EEF1AKMT1: variants seen among roughly 807,000 people sequenced by gnomAD.
EEF1AKMT1 encodes N-6 adenine-specific DNA methyltransferase 2 (putative).
Under a neutral mutation model 21.0 loss-of-function variants are expected in EEF1AKMT1, and 18 were observed. The observed-to-expected ratio is 0.86, with a 90% CI of 0.59 to 1.27. The LOEUF (loss-of-function observed/expected upper bound fraction) is 1.27. Among genes scored for constraint, EEF1AKMT1 ranks in the 50% most tolerant of loss-of-function variants. The probability of loss-of-function intolerance (pLI) is 0.00; values close to 1 mark genes in which losing one functional copy is unlikely to be tolerated. For missense variants in EEF1AKMT1, 246 were observed against 258.6 expected, an observed-to-expected ratio of 0.95 and a Z score of 0.33; for synonymous variants, 109 against 94.8, an observed-to-expected ratio of 1.15 and a Z score of -0.87.
intron 2 of EEF1AKMT1, among the ~76,000 whole-genome samples, chr13:20,755,748 G>T (rs1283548987): frequency 6.6e-6 from 1 of 152,190 alleles, no homozygotes; most frequent in Non-Finnish European, 1.5e-5. Flanking sequence ...AATCTTGTCT[G>T]TCAATTTTTA....
intron 2 of EEF1AKMT1, 189 bp downstream of exon 2, chr13:20,757,266 A>G: frequency 2.1e-6 from 1 of 481,500 alleles, no homozygotes. Context: ...GCTGTTCAAG[A>G]AAAGCTGTTA....
At chr13:20,754,420 G>A (rs759273472) in intron 2 of EEF1AKMT1, among the ~76,000 whole-genome samples, 3 of 151,846 alleles carry the variant, frequency 2.0e-5, no homozygotes, top group Non-Finnish European at 4.4e-5. Context: ...TTCTCTCTTT[G>A]ACTTTTGACT....
chr13:20,772,494 A>G (rs1315287674), intron 1 of EEF1AKMT1, among the ~76,000 whole-genome samples: 1 of 152,162 alleles, frequency 6.6e-6, no homozygotes, highest in Non-Finnish European at 1.5e-5. Flanking sequence ...AGCCCTCCAC[A>G]TTAAAGAAGT....
intron 1 of EEF1AKMT1, among the ~76,000 whole-genome samples, chr13:20,766,012 A>T (rs1191082385): frequency 6.6e-6 from 1 of 152,032 alleles, no homozygotes; most frequent in Non-Finnish European, 1.5e-5. Context: ...AGAAATATGC[A>T]ATAGAGGCTG....
chr13:20,762,032 T>C (rs1015668341), intron 1 of EEF1AKMT1, among the ~76,000 whole-genome samples: 26 of 152,192 alleles, frequency 1.7e-4, no homozygotes, highest in African/African-American at 5.3e-4. Context: ...TCTGGAGGCA[T>C]AGGATGCAGT....
At chr13:20,749,648 G>A (rs2058929874) in intron 2 of EEF1AKMT1, among the ~76,000 whole-genome samples, 1 of 152,144 alleles carries the variant, frequency 6.6e-6, no homozygotes, top group African/African-American at 2.4e-5. Flanking sequence ...GCTGAGTTGA[G>A]GATTGCTTGA....
rs192968206 is a variant in EEF1AKMT1, at chr13:20,747,827, G to A, written c.144+9628C>T. The A allele has an allele frequency of 4.4e-3, 720 of 163,996 alleles. 2 individuals are homozygous for A. Among genetic ancestry groups the A allele is most frequent in the Non-Finnish European group, 7.2e-3 (524 of 72,788 alleles). 10.2% of individuals were successfully genotyped at this position (163,996 alleles called of 1,614,324 possible). A position where few individuals can be genotyped will look rare whatever the true frequency, so the allele number is the denominator to read the frequency against. On this transcript the variant is annotated intron_variant, in intron 2 of 4. Transcript: ENST00000382758. ...ACATTATAATGGCATGCTGGGCTTG[G>A]ATATAATAGCCATCTCTCACTCCAC... is the stretch of plus-strand genomic sequence containing the variant.
intron 2 of EEF1AKMT1, among the ~76,000 whole-genome samples, chr13:20,749,934 T>C (rs371030111): frequency 2.0e-5 from 3 of 152,220 alleles, no homozygotes; most frequent in Admixed American, 6.5e-5. Context: ...TAATCATGTA[T>C]CTTAATGAGG....
intron 2 of EEF1AKMT1, among the ~76,000 whole-genome samples, chr13:20,741,584 GTAGCTGGGAT>G (rs1342043705): frequency 1.3e-5 from 2 of 151,106 alleles, no homozygotes; most frequent in African/African-American, 4.9e-5. Flanking sequence ...AGCCTCCCGA[GTAGCTGGGAT>G]TACAGGTGCA....
Position 20,740,219 on chromosome 13 carries a change from C to T in EEF1AKMT1, c.145-2414G>A, listed in dbSNP as rs896484701. On this transcript the variant is annotated intron_variant, in intron 2 of 4. Coordinates refer to ENST00000382758, the MANE Select transcript of EEF1AKMT1 (RefSeq NM_001318939.2). ...GGGCCAGCGGTGCCAGCCGGCTGCTCCGAGTGCGGGGCCTGCCAAGCCCGC... is the reference window on the plus strand; with the variant it reads ...GGGCCAGCGGTGCCAGCCGGCTGCTTCGAGTGCGGGGCCTGCCAAGCCCGC... Among the ~76,000 whole-genome samples, 4 of 152,362 alleles carry T rather than the reference C, an allele frequency of 2.6e-5. No homozygotes were observed. In the South Asian group the frequency reaches 8.3e-4, roughly 32 times the overall value.
At chr13:20,773,344 C>T (rs2059071572) in intron 1 of EEF1AKMT1, among the ~76,000 whole-genome samples, 1 of 152,180 alleles carries the variant, frequency 6.6e-6, no homozygotes, top group Non-Finnish European at 1.5e-5. Context: ...TCTTCTGCAC[C>T]TCCGAAGCTA....
At chr13:20,739,470 A>G (rs926430583) in intron 2 of EEF1AKMT1, among the ~76,000 whole-genome samples, 3 of 152,174 alleles carry the variant, frequency 2.0e-5, no homozygotes, top group African/African-American at 4.8e-5. Flanking sequence ...TGATTGGCCC[A>G]TTTTATAGAG....
At chr13:20,772,229 G>GAAAA (rs2141444575) in intron 1 of EEF1AKMT1, among the ~76,000 whole-genome samples, 1 of 152,108 alleles carries the variant, frequency 6.6e-6, no homozygotes, top group Admixed American at 6.5e-5. Context: ...ACAAGTGGCA[G>GAAAA]TAAAAAAAAT....
chr13:20,756,448 G>A (rs1301177996), intron 2 of EEF1AKMT1, among the ~76,000 whole-genome samples: 1 of 152,044 alleles, frequency 6.6e-6, no homozygotes, highest in Non-Finnish European at 1.5e-5. Context: ...ACATGTTTAA[G>A]TTCAGTTCCC....
intron 1 of EEF1AKMT1, among the ~76,000 whole-genome samples, chr13:20,761,948 A>G (rs2059003302): frequency 1.3e-5 from 2 of 152,176 alleles, no homozygotes; most frequent in Non-Finnish European, 2.9e-5. Flanking sequence ...ATGTTTTTAA[A>G]AATTAGCTGA....
rs1566526339 is a variant in EEF1AKMT1 at position 20,731,868 on chromosome 13, T to C, written c.481A>G (p.Thr161Ala). 6.2e-7 allele frequency: 1 copy of C among 1,614,018 alleles called. No homozygotes were observed. Residue 161 changes from threonine (T) to alanine (A), a missense_variant, in exon 4 of 5, where the codon ACG (threonine) becomes GCG (alanine). Physicochemically the swap from Thr to Ala is moderately conservative, Grantham distance 58. Transcript: ENST00000382758. ...GTGCACAGCAGAATCTTGCCCCGCG[T>C]CAGGTACTTGACGGTTTCCGATGTT... is the stretch of plus-strand genomic sequence containing the variant. ...RKTSETVKYLTRGKILLCTGA... is the reference protein window; with the variant it reads ...RKTSETVKYLARGKILLCTGA...
intron 2 of EEF1AKMT1, among the ~76,000 whole-genome samples, chr13:20,752,203 G>A (rs950308086): frequency 6.6e-6 from 1 of 152,092 alleles, no homozygotes; most frequent in African/African-American, 2.4e-5. Flanking sequence ...AGTGGTGGAA[G>A]TGGGCATGCT....
At position 20,742,253 on chromosome 13, in the gene EEF1AKMT1, T is replaced by A. The variant is rs112368709; in HGVS notation, c.145-4448A>T. Among the ~76,000 whole-genome samples, 1,014 of 152,250 alleles carry A rather than the reference T, an allele frequency of 6.7e-3. 5 individuals carry two copies. The highest frequency in any genetic ancestry group is 0.02 in the African/African-American group (850 of 41,546). ...AGTATCTTTTCCTATATTTAATTTT[T>A]ATTTTTATTTTTATTTTGTCAATTG... is the stretch of plus-strand genomic sequence containing the variant. On this transcript the variant is annotated intron_variant, in intron 2 of 4. Coordinates refer to ENST00000382758, the MANE Select transcript of EEF1AKMT1 (RefSeq NM_001318939.2).
chr13:20,733,061 T>C (rs2058806670), intron 3 of EEF1AKMT1, among the ~76,000 whole-genome samples: 1 of 150,632 alleles, frequency 6.6e-6, no homozygotes, highest in Non-Finnish European at 1.5e-5. Flanking sequence ...AGAAGTAACC[T>C]AAATACGGAA....
Sources: allele counts gnomAD v4.1 joint callset (sites outside exome capture counted in the v4.1 genomes callset), GRCh38; gene constraint gnomAD v4.1.1; transcripts MANE v1.5; gene names NCBI Gene and HGNC (gene_info 2026-07-23, HGNC 2026-07-21).